The following COL19A1 variants were observed in gnomAD, a reference collection of about 807,000 sequenced individuals.
COL19A1 encodes the protein collagen type XIX alpha 1 chain.
Under a neutral mutation model 190.2 loss-of-function variants are expected in COL19A1, and 159 were observed. The ratio of observed to expected loss-of-function variants is 0.84; its 90% CI spans 0.73 to 0.95. The LOEUF is 0.95. Ranked by LOEUF, COL19A1 falls within the 40% of genes least tolerant of loss-of-function variation. COL19A1 has a pLI of 0.00. For missense variants in COL19A1, 1,418 were observed against 1,431.9 expected, an observed-to-expected ratio of 0.99 and a Z score of 0.16; for synonymous variants, 509 against 458.9, an observed-to-expected ratio of 1.11 and a Z score of -1.39.
At chr6:69,894,068 G>T (rs761596411) in intron 2 of COL19A1, among the ~76,000 whole-genome samples, 21 of 151,422 alleles carry the variant, frequency 1.4e-4, no homozygotes, top group Non-Finnish European at 2.8e-4. Flanking sequence ...AAACCAAGCT[G>T]TACCCCTACC....
At chr6:70,086,600 A>G (rs1027089884) in intron 15 of COL19A1, among the ~76,000 whole-genome samples, 1 of 152,190 alleles carries the variant, frequency 6.6e-6, no homozygotes, top group South Asian at 2.1e-4. Context: ...TTTTAAAACT[A>G]TCTCAACAAA....
chr6:70,190,255 C>A, intron 47 of COL19A1, 60 bp from the exon 48 acceptor site: 1 of 1,297,682 alleles, frequency 7.7e-7, no homozygotes, highest in South Asian at 1.3e-5. Flanking sequence ...CCCAATATTT[C>A]TATTCTTTAT....
At chr6:70,203,962 G>A (rs1767708135) in intron 49 of COL19A1, among the ~76,000 whole-genome samples, 1 of 151,980 alleles carries the variant, frequency 6.6e-6, no homozygotes, top group African/African-American at 2.4e-5. Flanking sequence ...CTGGGTTCAA[G>A]CAATTCTCCT....
At chr6:70,030,643 T>C (rs1204514978) in intron 12 of COL19A1, among the ~76,000 whole-genome samples, 2 of 152,228 alleles carry the variant, frequency 1.3e-5, no homozygotes, top group Non-Finnish European at 2.9e-5. Context: ...GTCATTTCTT[T>C]TTTTGTGTTT....
intron 5 of COL19A1, 95 bp downstream of exon 5, chr6:69,928,127 A>T: frequency 6.7e-7 from 1 of 1,499,422 alleles, no homozygotes. Flanking sequence ...GAGTAGATCT[A>T]GTATCCAAAT....
intron 17 of COL19A1, among the ~76,000 whole-genome samples, chr6:70,122,612 G>C (rs1328810517): frequency 6.6e-6 from 1 of 152,132 alleles, no homozygotes; most frequent in East Asian, 1.9e-4. Context: ...GAGGCATTCT[G>C]TCCACTGATT....
intron 14 of COL19A1, among the ~76,000 whole-genome samples, chr6:70,040,809 C>T (rs1405821214): frequency 6.6e-6 from 1 of 152,154 alleles, no homozygotes. Flanking sequence ...TTCTGTCAAT[C>T]TACTTGACTT....
chr6:70,068,418 C>T lies in COL19A1; in HGVS notation c.1171-5C>T. ...GTATTAACATGTGTCTCTTTTTCCT[C>T]ATAGGGTTCCCTGGGGATACAAGGC... On this transcript the variant is annotated splice_region_variant and splice_polypyrimidine_tract_variant and intron_variant, in intron 14 of 50. Coordinates refer to ENST00000620364, the MANE Select transcript of COL19A1 (RefSeq NM_001858.6). 1 of 1,583,022 alleles carries T rather than the reference C, an allele frequency of 6.3e-7. No homozygotes were observed. The highest frequency in any genetic ancestry group is 8.7e-7 in the Non-Finnish European group (1 of 1,152,300).
In COL19A1 at chr6:69,888,063, T is replaced by G. The variant is rs546004423; in HGVS notation, c.91+8405T>G. On this transcript the variant is annotated intron_variant, in intron 2 of 50. Coordinates refer to ENST00000620364, the MANE Select transcript of COL19A1 (RefSeq NM_001858.6). ...TCTTAACTTCTTCCTGCTGACAGGG[T>G]GTGCTGTTTTGGGGAAATGGCAGGT... Among the ~76,000 whole-genome samples, 4 of 152,278 alleles carry G rather than the reference T, an allele frequency of 2.6e-5. No individual in the cohort carries two copies. The South Asian group carries it at 8.3e-4, about 32-fold the overall frequency.
intron 9 of COL19A1, among the ~76,000 whole-genome samples, chr6:69,948,516 T>C (rs571255530): frequency 5.9e-4 from 90 of 151,892 alleles, no homozygotes; most frequent in Admixed American, 2.7e-3. Flanking sequence ...ATATAAGGAC[T>C]AGATGAAGCA....
At chr6:70,180,962 A>G (rs1354359384) in intron 44 of COL19A1, among the ~76,000 whole-genome samples, 2 of 152,208 alleles carry the variant, frequency 1.3e-5, no homozygotes, top group African/African-American at 4.8e-5. Context: ...TTCATAAATC[A>G]CTACTGGTGA....
chr6:70,077,564 A>G (rs969665565), intron 15 of COL19A1, among the ~76,000 whole-genome samples: 4 of 152,138 alleles, frequency 2.6e-5, no homozygotes, highest in Admixed American at 6.5e-5. Context: ...GTATGTAAGC[A>G]TTATCCATTG....
At chr6:70,081,040 A>G (rs1231474798) in intron 15 of COL19A1, among the ~76,000 whole-genome samples, 1 of 152,200 alleles carries the variant, frequency 6.6e-6, no homozygotes, top group Non-Finnish European at 1.5e-5. Context: ...TTCTAATTTA[A>G]TATCAAAAAT....
At chr6:70,171,320 A>T (rs1473442963) in intron 40 of COL19A1, among the ~76,000 whole-genome samples, 1 of 152,182 alleles carries the variant, frequency 6.6e-6, no homozygotes, top group Admixed American at 6.5e-5. Flanking sequence ...AGCTTTTCCC[A>T]AAGTGTTTCT....
At chr6:69,882,778 A>G (rs938920847) in intron 2 of COL19A1, among the ~76,000 whole-genome samples, 1 of 152,224 alleles carries the variant, frequency 6.6e-6, no homozygotes, top group Non-Finnish European at 1.5e-5. Flanking sequence ...TATTAATTAC[A>G]AGGAATTACA....
intron 8 of COL19A1, among the ~76,000 whole-genome samples, chr6:69,937,609 C>A (rs536558008): frequency 6.6e-6 from 1 of 152,272 alleles, no homozygotes; most frequent in East Asian, 1.9e-4. Flanking sequence ...TGTGCCCTAG[C>A]ACTGTGACTT....
At chr6:69,900,211 A>T (rs1770083089) in intron 3 of COL19A1, 28 bp from the exon 4 acceptor site, 4 of 1,370,436 alleles carry the variant, frequency 2.9e-6, no homozygotes, top group Non-Finnish European at 4.0e-6. Flanking sequence ...TTAGTTTATT[A>T]AATTGAATCA....
At chr6:70,080,681 G>C (rs997943956) in intron 15 of COL19A1, among the ~76,000 whole-genome samples, 1 of 152,078 alleles carries the variant, frequency 6.6e-6, no homozygotes, top group South Asian at 2.1e-4. Flanking sequence ...CAACTTTCAC[G>C]TTTTATGTCT....
rs1178437428 is a variant in COL19A1 at position 70,210,022 on chromosome 6, C to T, written c.*2748C>T. On this transcript the variant is annotated 3_prime_UTR_variant, in exon 51 of 51. Transcript: ENST00000620364. ...TGCACCATTTTATTCCATTCCAAAA[C>T]ATGTGTTTATTTCCACATAGATGTT... 3 of 152,232 alleles carry T rather than the reference C, an allele frequency of 2.0e-5. No homozygotes were observed. The East Asian group carries it at 5.8e-4, about 29-fold the overall frequency. The allele number at this position is 152,232 out of a possible 1,614,324, so 9.4% of individuals were successfully genotyped here. A position where few individuals can be genotyped will look rare whatever the true frequency, so the allele number is the denominator to read the frequency against.
Sources: gnomAD v4.1 joint callset for allele counts (sites outside exome capture counted in the v4.1 genomes callset) on GRCh38, gnomAD v4.1.1 for gene constraint, MANE v1.5 for transcripts, NCBI Gene and HGNC (gene_info 2026-07-23, HGNC 2026-07-21) for gene names.